The following EML1 variants were observed in gnomAD, a reference collection of about 807,000 sequenced individuals.
EML1 encodes EMAP like 1.
A neutral mutation model predicts 110.4 loss-of-function variants in EML1; 27 were observed. The ratio of observed to expected loss-of-function variants is 0.24; its 90% confidence interval spans 0.18 to 0.34. The LOEUF is 0.34. EML1 is among the 10% of genes least tolerant of loss of function. The pLI, the probability that EML1 is intolerant of heterozygous loss-of-function variation, is 1.00. For synonymous variants in EML1, 344 were observed against 385.8 expected (o/e 0.89, Z 1.27); for missense variants, 741 against 1,030.9 (o/e 0.72, Z 3.85).
At chr14:99,839,581 T>A (rs2058600738) in intron 1 of EML1, among the ~76,000 whole-genome samples, 2 of 152,218 alleles carry the variant, frequency 1.3e-5, no homozygotes, top group Non-Finnish European at 2.9e-5. Context: ...ACCACCATTA[T>A]CCAACCTAAG....
chr14:99,907,180 C>T (rs921136221), intron 9 of EML1: 1 of 154,202 alleles, frequency 6.5e-6, no homozygotes, highest in African/African-American at 2.4e-5. Context: ...GGCCCAGTGG[C>T]TCAGCCAGGC....
At chr14:99,896,033 A>G (rs1007505748) in intron 6 of EML1, among the ~76,000 whole-genome samples, 2 of 152,206 alleles carry the variant, frequency 1.3e-5, no homozygotes, top group Non-Finnish European at 1.5e-5. Flanking sequence ...CAGGGGAAAA[A>G]ACAACTGAAA....
At chr14:99,872,107 G>A (rs1419036330) in intron 3 of EML1, among the ~76,000 whole-genome samples, 2 of 152,188 alleles carry the variant, frequency 1.3e-5, no homozygotes, top group African/African-American at 4.8e-5. Flanking sequence ...TCAGGAGTGA[G>A]GGTGACTCTC....
At chr14:99,824,302 C>T (rs575678196) in intron 1 of EML1, among the ~76,000 whole-genome samples, 11 of 152,298 alleles carry the variant, frequency 7.2e-5, no homozygotes, top group Admixed American at 4.6e-4. Context: ...ATGTGCTAAG[C>T]GTTATTCTCA....
intron 11 of EML1, 79 bp downstream of exon 11, chr14:99,909,558 G>T: frequency 1.3e-6 from 2 of 1,569,178 alleles, no homozygotes; most frequent in Non-Finnish European, 1.7e-6. Flanking sequence ...GGGGGCTCTG[G>T]TGATCAACAC....
At chr14:99,808,407 TA>T (rs1378310279) in intron 1 of EML1, among the ~76,000 whole-genome samples, 1 of 152,178 alleles carries the variant, frequency 6.6e-6, no homozygotes, top group Admixed American at 6.5e-5. Context: ...TTTTCAGTAA[TA>T]CCAGAAACAT....
chr14:99,843,206 G>A (rs774085226), intron 1 of EML1, among the ~76,000 whole-genome samples: 11 of 152,110 alleles, frequency 7.2e-5, no homozygotes, highest in Admixed American at 3.3e-4. Context: ...AGCTGTAATC[G>A]CACCACTGCA....
chr14:99,904,457 A>G, intron 9 of EML1, among the ~76,000 whole-genome samples: 1 of 152,356 alleles, frequency 6.6e-6, no homozygotes, highest in South Asian at 2.1e-4. Context: ...TTACATATAA[A>G]ACAGTTTTTA....
At chr14:99,916,962 G>A (rs1038341801) in intron 15 of EML1, among the ~76,000 whole-genome samples, 3 of 152,172 alleles carry the variant, frequency 2.0e-5, no homozygotes, top group African/African-American at 7.2e-5. Flanking sequence ...CCGAGTTAGT[G>A]ATGACTGTGT....
chr14:99,762,438 T>A (rs1187286230), intron 1 of EML1, among the ~76,000 whole-genome samples: 1 of 152,188 alleles, frequency 6.6e-6, no homozygotes, highest in Non-Finnish European at 1.5e-5. Flanking sequence ...TGTTTGGGCT[T>A]CTAATACTGG....
chr14:99,824,765 T>TC (rs150031716), intron 1 of EML1, among the ~76,000 whole-genome samples: 6,283 of 151,970 alleles, frequency 0.041, 159 homozygotes, highest in African/African-American at 0.057. Flanking sequence ...TTTTCAATCC[T>TC]CCCCCCTCCT....
Position 99,781,843 on chromosome 14 carries a change from C to T in EML1, c.-27+7830C>T, listed in dbSNP as rs1210700569. Among the ~76,000 whole-genome samples, 5 of 152,190 alleles carry T rather than the reference C, an allele frequency of 3.3e-5. No homozygotes were observed. The highest frequency in any genetic ancestry group is 1.2e-4 in the African/African-American group (5 of 41,446). On this transcript the variant is annotated intron_variant, in intron 1 of 22. Transcript: ENST00000327921. The surrounding 1 kb of genome is among the most constrained non-coding windows in gnomAD (Gnocchi z 4.2). ...GCCTCTTTCCCGCCTCCTCTCCATACCTCTCATCTCCCAGACTCCTTGAGG... is the reference window on the plus strand; with the variant it reads ...GCCTCTTTCCCGCCTCCTCTCCATATCTCTCATCTCCCAGACTCCTTGAGG...
chr14:99,827,262 CAG>C lies in EML1; in HGVS notation c.68-23590_68-23589del, dbSNP rs2058376036. On this transcript the variant is annotated intron_variant, in intron 1 of 21. Transcript: ENST00000262233. The surrounding 1 kb of genome is among the most constrained non-coding windows in gnomAD (Gnocchi z 4.4). Reference sequence around the variant, plus strand: ...AGAGGAGGATGACCACCTGAAGACACAGGGAGAAGATGGCCAGCGAGAGAGGC... The same window carrying C: ...AGAGGAGGATGACCACCTGAAGACACGGAGAAGATGGCCAGCGAGAGAGGC... 6.6e-6 allele frequency among the ~76,000 whole-genome samples: 1 copy of C among 151,820 alleles called. No individual in the cohort carries two copies. Among genetic ancestry groups the C allele is most frequent in the African/African-American group, 2.4e-5 (1 of 41,300 alleles).
chr14:99,867,338 G>A (rs1302899457), intron 3 of EML1, among the ~76,000 whole-genome samples: 1 of 151,922 alleles, frequency 6.6e-6, no homozygotes, highest in Non-Finnish European at 1.5e-5. Flanking sequence ...ATGAATTTTA[G>A]GATAGTTTTT....
At chr14:99,785,028 G>A (rs1200855130) in intron 1 of EML1, among the ~76,000 whole-genome samples, 1 of 152,092 alleles carries the variant, frequency 6.6e-6, no homozygotes, top group Admixed American at 6.5e-5. Context: ...TTAGGACTTC[G>A]CTATGTAGGC....
chr14:99,840,135 T>C (rs1410451264), intron 1 of EML1, among the ~76,000 whole-genome samples: 1 of 152,252 alleles, frequency 6.6e-6, no homozygotes, highest in African/African-American at 2.4e-5. Context: ...GTCTGCTTTA[T>C]GTGAAATGTT....
chr14:99,877,999 G>T (rs941241655), intron 3 of EML1, among the ~76,000 whole-genome samples: 1 of 152,154 alleles, frequency 6.6e-6, no homozygotes. Context: ...GGACAGCTTT[G>T]AATGTGGCCC....
At chr14:99,778,223 T>G (rs1014250231) in intron 1 of EML1, among the ~76,000 whole-genome samples, 3 of 152,246 alleles carry the variant, frequency 2.0e-5, no homozygotes, top group Admixed American at 6.5e-5. Context: ...CCTAATATAG[T>G]CATGTCAGAA....
intron 1 of EML1, among the ~76,000 whole-genome samples, chr14:99,838,827 A>G (rs996049220): frequency 6.6e-6 from 1 of 152,012 alleles, no homozygotes; most frequent in African/African-American, 2.4e-5. Context: ...GGAGTGGGGG[A>G]AAGCTATCAA....
Sources: allele counts gnomAD v4.1 joint callset (sites outside exome capture counted in the v4.1 genomes callset), GRCh38; gene constraint gnomAD v4.1.1; non-coding constraint Gnocchi (gnomAD v3.1); transcripts MANE v1.5; gene names NCBI Gene and HGNC (gene_info 2026-07-23, HGNC 2026-07-21).